Variants in ACBD7 observed in about 807,000 individuals in gnomAD.
The protein encoded by ACBD7 is acyl-CoA-binding domain-containing protein 7.
Under a neutral mutation model 13.7 loss-of-function variants are expected in ACBD7, and 11 were observed. The ratio of observed to expected loss-of-function variants is 0.80; its 90% CI spans 0.50 to 1.33. The LOEUF (loss-of-function observed/expected upper bound fraction) is 1.33, where lower values mean the gene tolerates loss of function less well. Among genes scored for constraint, ACBD7 ranks in the 40% most tolerant of loss-of-function variants. The pLI, the probability that ACBD7 is intolerant of heterozygous loss-of-function variation, is 0.00. For missense variants in ACBD7, 111 were observed against 103.0 expected, an observed-to-expected ratio of 1.08 and a Z score of -0.33; for synonymous variants, 43 against 37.7, an observed-to-expected ratio of 1.14 and a Z score of -0.51.
At chr10:15,088,643 C>A in intron 1 of ACBD7, 74 bp downstream of exon 1, 2 of 1,558,442 alleles carry the variant, frequency 1.3e-6, no homozygotes, top group Admixed American at 1.8e-5. Flanking sequence ...GGGCGCCAAG[C>A]CCACCCGGAG....
Position 15,077,592 on chromosome 10 carries a change from T to TGCACCTGTGACCAGGTGTGGTGGCTC in ACBD7, c.*912_*937dup, listed in dbSNP as rs2131391294. On this transcript the variant is annotated 3_prime_UTR_variant, in exon 4 of 4. Transcript: ENST00000356189. ...ACACAATATATCCATGTAACAAAAC[T>TGCACCTGTGACCAGGTGTGGTGGCTC]GCACCTGTGACCAGGTGTGGTGGCT... 1 of 152,202 alleles carries TGCACCTGTGACCAGGTGTGGTGGCTC rather than the reference T, an allele frequency of 6.6e-6. No individual in the cohort carries two copies. The highest frequency in any genetic ancestry group is 1.9e-4 in the East Asian group (1 of 5,176). The allele number at this position is 152,202 out of a possible 1,614,324, so 9.4% of individuals were successfully genotyped here.
rs377577367 is a variant in ACBD7 at position 15,088,342 on chromosome 10, T to A, written c.12+375A>T. On this transcript the variant is annotated intron_variant, in intron 1 of 3. Coordinates refer to ENST00000356189, the MANE Select transcript of ACBD7 (RefSeq NM_001039844.3). The stretch of plus-strand genomic sequence containing the variant: ...TATTTTTAAATTGGAGCCTCACAGA[T>A]CTCTTCTGCTCAGTATGACACTAAG... 26 of 299,274 alleles carry A rather than the reference T, an allele frequency of 8.7e-5. 1 individual carries two copies. The South Asian group carries it at 3.3e-3, about 38-fold the overall frequency. 18.5% of individuals were successfully genotyped at this position (299,274 alleles called of 1,614,324 possible).
chr10:15,082,904 G>A (rs1844765974), intron 1 of ACBD7, among the ~76,000 whole-genome samples: 1 of 152,042 alleles, frequency 6.6e-6, no homozygotes, highest in Non-Finnish European at 1.5e-5. Flanking sequence ...TGGGCACGGT[G>A]CCTCACACCT....
At position 15,079,049 on chromosome 10, in the gene ACBD7, A is replaced by C; in HGVS notation, c.13-9T>G. 1.3e-6 allele frequency: 2 copies of C among 1,591,594 alleles called. No individual in the cohort carries two copies. The highest frequency in any genetic ancestry group is 1.7e-6 in the Non-Finnish European group (2 of 1,165,202). ...GCCCTGTCAAAATCAGCCTAAAGGA[A>C]GAACAAACAAACAAACAAAAGGAGC... is the stretch of plus-strand genomic sequence containing the variant. On this transcript the variant is annotated splice_polypyrimidine_tract_variant and intron_variant, in intron 1 of 3. Transcript: ENST00000356189.
At chr10:15,084,540 T>C (rs1589261564) in intron 1 of ACBD7, among the ~76,000 whole-genome samples, 2 of 152,278 alleles carry the variant, frequency 1.3e-5, no homozygotes, top group South Asian at 4.1e-4. Flanking sequence ...GAAAGTACAT[T>C]CCACAGGGTG....
Position 15,077,080 on chromosome 10 carries a change from A to G in ACBD7, c.*1450T>C. The G allele has an allele frequency of 1.6e-5, 4 of 248,628 alleles. No homozygotes were observed. Among genetic ancestry groups the G allele is most frequent in the Non-Finnish European group, 1.3e-5 (2 of 156,458 alleles). The allele number at this position is 248,628 out of a possible 1,614,324, so 15.4% of individuals were successfully genotyped here. On this transcript the variant is annotated 3_prime_UTR_variant, in exon 4 of 4. Coordinates refer to ENST00000356189, the MANE Select transcript of ACBD7 (RefSeq NM_001039844.3). Reference sequence around the variant, plus strand: ...TACCATTCTACCCAGCAATCCCACTACTGGGTATCTTCTTAAAGGAAAATA... The same window carrying G: ...TACCATTCTACCCAGCAATCCCACTGCTGGGTATCTTCTTAAAGGAAAATA...
intron 1 of ACBD7, among the ~76,000 whole-genome samples, chr10:15,087,985 A>G (rs1440810195): frequency 2.0e-5 from 3 of 152,196 alleles, no homozygotes; most frequent in Non-Finnish European, 4.4e-5. Flanking sequence ...AACCTGGGCA[A>G]CAGAATGAGA....
intron 1 of ACBD7, 68 bp from the exon 2 acceptor site, chr10:15,079,108 A>T (rs1191089412): frequency 2.1e-6 from 2 of 952,116 alleles, no homozygotes; most frequent in Non-Finnish European, 3.2e-6. Flanking sequence ...CTCAAAGAGC[A>T]GGAAGAGGAA....
rs1454264136 is a variant in ACBD7, at chr10:15,077,388, CCA to C, written c.*1140_*1141del. On this transcript the variant is annotated 3_prime_UTR_variant, in exon 4 of 4. Coordinates refer to ENST00000356189, the MANE Select transcript of ACBD7 (RefSeq NM_001039844.3). Reference sequence around the variant, plus strand: ...GAACCCTCAGAAACAAAAAAAAATACCACATGTTTTCACTTATAAGTGGGAGT... The same window carrying C: ...GAACCCTCAGAAACAAAAAAAAATACCATGTTTTCACTTATAAGTGGGAGT... 1 of 151,442 alleles carries C rather than the reference CCA, an allele frequency of 6.6e-6. No homozygotes were observed. Among genetic ancestry groups the C allele is most frequent in the African/African-American group, 2.4e-5 (1 of 40,998 alleles). The allele number at this position is 151,442 out of a possible 1,614,324, so 9.4% of individuals were successfully genotyped here.
chr10:15,083,096 A>G (rs1297462296), intron 1 of ACBD7, among the ~76,000 whole-genome samples: 1 of 152,206 alleles, frequency 6.6e-6, no homozygotes, highest in East Asian at 1.9e-4. Context: ...CCCTCTGCAC[A>G]GAAGAGCTAT....
chr10:15,083,237 T>A (rs1465072146), intron 1 of ACBD7, among the ~76,000 whole-genome samples: 2 of 152,132 alleles, frequency 1.3e-5, no homozygotes, highest in East Asian at 3.9e-4. Context: ...GGCACCTCAG[T>A]GCAATACATT....
At chr10:15,081,312 A>T (rs918600398) in intron 1 of ACBD7, among the ~76,000 whole-genome samples, 1 of 151,958 alleles carries the variant, frequency 6.6e-6, no homozygotes, top group African/African-American at 2.4e-5. Flanking sequence ...TCTTAACAGG[A>T]CCCATTTAGG....
At chr10:15,085,896 C>T (rs1844802716) in intron 1 of ACBD7, among the ~76,000 whole-genome samples, 1 of 152,194 alleles carries the variant, frequency 6.6e-6, no homozygotes, top group Non-Finnish European at 1.5e-5. Flanking sequence ...CCTCTCATTT[C>T]CACTCAGTGA....
In ACBD7 at chr10:15,076,671, T is replaced by G; in HGVS notation, c.*1859A>C. On this transcript the variant is annotated 3_prime_UTR_variant, in exon 4 of 4. Transcript: ENST00000356189. ...GTGTGCACCACCAATGGCTGGCTAA[T>G]TTTTGTATTTTTAGTAGAGATGGGG... 1 of 697,326 alleles carries G rather than the reference T, an allele frequency of 1.4e-6. No individual in the cohort carries two copies. The highest frequency in any genetic ancestry group is 1.8e-6 in the Non-Finnish European group (1 of 567,320). 43.2% of individuals were successfully genotyped at this position (697,326 alleles called of 1,614,324 possible). A position where few individuals can be genotyped will look rare whatever the true frequency, so the allele number is the denominator to read the frequency against.
In ACBD7 at chr10:15,078,183, G is replaced by A. The variant is rs1844706124; in HGVS notation, c.*347C>T. The A allele has an allele frequency of 3.4e-6, 1 of 298,208 alleles. No individual in the cohort carries two copies. Among genetic ancestry groups the A allele is most frequent in the South Asian group, 6.2e-5 (1 of 16,194 alleles). 18.5% of individuals were successfully genotyped at this position (298,208 alleles called of 1,614,324 possible). A position where few individuals can be genotyped will look rare whatever the true frequency, so the allele number is the denominator to read the frequency against. ...TTGTTCAACTCCCACTTATGAGTGAGAACATGCTTGGTTTTCTGATCTTGT... is the reference window on the plus strand; with the variant it reads ...TTGTTCAACTCCCACTTATGAGTGAAAACATGCTTGGTTTTCTGATCTTGT... On this transcript the variant is annotated 3_prime_UTR_variant, in exon 4 of 4. Transcript: ENST00000356189.
At chr10:15,083,181 A>G (rs1344917983) in intron 1 of ACBD7, among the ~76,000 whole-genome samples, 1 of 152,206 alleles carries the variant, frequency 6.6e-6, no homozygotes, top group African/African-American at 2.4e-5. Context: ...ACTCAGTTCT[A>G]GAGCAGGGGC....
chr10:15,078,352 T>G lies in ACBD7; in HGVS notation c.*178A>C. ...AAAGAACTTTTAAAGACACCTGGTT[T>G]AAGCAAGTACAATTGAGTTAACTAT... is the stretch of plus-strand genomic sequence containing the variant. On this transcript the variant is annotated 3_prime_UTR_variant, in exon 4 of 4. Transcript: ENST00000356189. The G allele has an allele frequency of 6.9e-7, 1 of 1,459,236 alleles. No individual in the cohort carries two copies. 90.4% of individuals were successfully genotyped at this position (1,459,236 alleles called of 1,614,324 possible).
chr10:15,079,353 C>T (rs891934017), intron 1 of ACBD7, among the ~76,000 whole-genome samples: 1 of 149,518 alleles, frequency 6.7e-6, no homozygotes, highest in Admixed American at 6.7e-5. Context: ...CCACTCACTG[C>T]AACCTCTACT....
At chr10:15,088,427 C>A in intron 1 of ACBD7, 1 of 501,552 alleles carries the variant, frequency 2.0e-6, no homozygotes, top group Non-Finnish European at 3.5e-6. Flanking sequence ...GACTCCCTCT[C>A]GGAGACGGAG....
Sources: gnomAD v4.1 joint callset for allele counts (sites outside exome capture counted in the v4.1 genomes callset) on GRCh38, gnomAD v4.1.1 for gene constraint, MANE v1.5 for transcripts, NCBI Gene and HGNC (gene_info 2026-07-23, HGNC 2026-07-21) for gene names.